The following CACNA1E variants were observed in gnomAD, a reference collection of about 807,000 sequenced individuals.
CACNA1E encodes voltage-dependent R-type calcium channel subunit alpha-1E.
Under a neutral mutation model 259.2 loss-of-function variants are expected in CACNA1E, and 40 were observed. The ratio of observed to expected loss-of-function variants is 0.15; its 90% confidence interval spans 0.12 to 0.20. The LOEUF (loss-of-function observed/expected upper bound fraction) is 0.20, where lower values mean the gene tolerates loss of function less well. Among genes scored for constraint, CACNA1E ranks in the 10% least tolerant of loss-of-function variants. The pLI, the probability that CACNA1E is intolerant of heterozygous loss-of-function variation, is 1.00. For synonymous variants in CACNA1E, 1,104 were observed against 1,138.5 expected (o/e 0.97, Z 0.61); for missense variants, 1,874 against 3,040.1 (o/e 0.62, Z 9.02).
intron 7 of CACNA1E, among the ~76,000 whole-genome samples, chr1:181,706,154 T>C (rs1023878521): frequency 6.6e-6 from 1 of 152,144 alleles, no homozygotes; most frequent in Non-Finnish European, 1.5e-5. Context: ...GATTCCCCCT[T>C]TTACATTTTC....
chr1:181,505,155 C>G (rs2102588193), intron 1 of CACNA1E, among the ~76,000 whole-genome samples: 1 of 152,280 alleles, frequency 6.6e-6, no homozygotes, highest in East Asian at 1.9e-4. Flanking sequence ...CCTCCTCACT[C>G]TCAGGTTGGG....
At chr1:181,463,055 T>C (rs1161819157) in intron 2 of CACNA1E, among the ~76,000 whole-genome samples, 4 of 152,184 alleles carry the variant, frequency 2.6e-5, no homozygotes, top group Admixed American at 2.6e-4. Flanking sequence ...TTCCAACTTT[T>C]ATTAGGTACA....
intron 46 of CACNA1E, among the ~76,000 whole-genome samples, chr1:181,796,009 A>T (rs979399175): frequency 1.3e-5 from 2 of 151,982 alleles, no homozygotes; most frequent in African/African-American, 4.8e-5. Flanking sequence ...CCTTCCCCCC[A>T]AAAAGTTATG....
chr1:181,714,432 A>G (rs1307872143), intron 8 of CACNA1E, among the ~76,000 whole-genome samples: 2 of 152,088 alleles, frequency 1.3e-5, no homozygotes, highest in Non-Finnish European at 2.9e-5. Context: ...GAACCCCAAC[A>G]TGCTGAACCC....
intron 7 of CACNA1E, among the ~76,000 whole-genome samples, chr1:181,688,304 T>C (rs1052555010): frequency 6.6e-6 from 1 of 152,292 alleles, no homozygotes. Flanking sequence ...ACAGTGTATG[T>C]TTTTATAGAG....
At chr1:181,510,343 C>A in intron 1 of CACNA1E, 134 bp from the exon 2 acceptor site, 1 of 665,016 alleles carries the variant, frequency 1.5e-6, no homozygotes. Flanking sequence ...TGCCTGCCTG[C>A]CTGTTTACAA....
At position 181,736,262 on chromosome 1, in the gene CACNA1E, G is replaced by A. The variant is rs368969096; in HGVS notation, c.3263-13G>A. The A allele has an allele frequency of 8.1e-5, 127 of 1,573,234 alleles. 1 individual carries two copies. The African/African-American group carries it at 1.5e-3, about 19-fold the overall frequency. On this transcript the variant is annotated splice_polypyrimidine_tract_variant and intron_variant, in intron 21 of 47. Transcript: ENST00000367573. Reference sequence around the variant, plus strand: ...TCATGATTTCTGAAGATTTCAACGTGTTCCTCTTGCAGTTAGCAACAAGAC... The same window carrying A: ...TCATGATTTCTGAAGATTTCAACGTATTCCTCTTGCAGTTAGCAACAAGAC...
intron 3 of CACNA1E, among the ~76,000 whole-genome samples, chr1:181,515,039 C>G (rs1666464193): frequency 6.6e-6 from 1 of 152,182 alleles, no homozygotes; most frequent in South Asian, 2.1e-4. Flanking sequence ...GAGACCACAT[C>G]TCCTGGCTCC....
chr1:181,432,270 C>G (rs1214159518), intron 2 of CACNA1E, among the ~76,000 whole-genome samples: 1 of 152,074 alleles, frequency 6.6e-6, no homozygotes, highest in Non-Finnish European at 1.5e-5. Context: ...CTGGAAATGG[C>G]TGAGTTTCCC....
At chr1:181,597,027 C>T (rs762703328) in intron 6 of CACNA1E, among the ~76,000 whole-genome samples, 5 of 152,126 alleles carry the variant, frequency 3.3e-5, no homozygotes, top group Admixed American at 1.3e-4. Flanking sequence ...AATTCTAGCT[C>T]TGCCCTGCCT....
At chr1:181,635,771 T>G (rs1037900353) in intron 6 of CACNA1E, among the ~76,000 whole-genome samples, 5 of 152,218 alleles carry the variant, frequency 3.3e-5, no homozygotes, top group Non-Finnish European at 5.9e-5. Context: ...GGCTGGAATA[T>G]TCCTCTGCAT....
chr1:181,471,298 C>G (rs1662491019), intron 2 of CACNA1E, among the ~76,000 whole-genome samples: 1 of 152,200 alleles, frequency 6.6e-6, no homozygotes, highest in African/African-American at 2.4e-5. Flanking sequence ...TAGCAAAGGG[C>G]AGTAGTAAGA....
intron 2 of CACNA1E, among the ~76,000 whole-genome samples, chr1:181,467,023 A>G (rs1020772301): frequency 2.0e-5 from 3 of 152,246 alleles, no homozygotes; most frequent in Non-Finnish European, 2.9e-5. Context: ...ACAGCAGTGC[A>G]TTAATGGGCA....
rs115462707 is a variant in CACNA1E, at chr1:181,624,607, A to G, written c.952-26731A>G. Reference sequence around the variant, plus strand: ...CATGAGATTGCAGCAATTCAGTCACATCTTCAGGCTTTATTTCTATTTTTA... The same window carrying G: ...CATGAGATTGCAGCAATTCAGTCACGTCTTCAGGCTTTATTTCTATTTTTA... On this transcript the variant is annotated intron_variant, in intron 6 of 47. Coordinates refer to ENST00000367573, the MANE Select transcript of CACNA1E (RefSeq NM_001205293.3). Among the ~76,000 whole-genome samples the G allele has an allele frequency of 5.8e-3, 879 of 152,306 alleles. 14 individuals are homozygous for G. Among genetic ancestry groups the G allele is most frequent in the African/African-American group, 0.02 (849 of 41,558 alleles).
intron 1 of CACNA1E, among the ~76,000 whole-genome samples, chr1:181,354,694 G>A (rs1387555529): frequency 6.6e-6 from 1 of 152,186 alleles, no homozygotes; most frequent in East Asian, 1.9e-4. Context: ...TTTTCATGGA[G>A]GGAGACAGGG....
chr1:181,574,426 T>C (rs1343749674), intron 3 of CACNA1E, among the ~76,000 whole-genome samples: 1 of 152,184 alleles, frequency 6.6e-6, no homozygotes, highest in African/African-American at 2.4e-5. Flanking sequence ...CTCAGTAAGT[T>C]CTAGGATTTC....
chr1:181,608,456 G>A (rs1654434073), intron 6 of CACNA1E, among the ~76,000 whole-genome samples: 2 of 152,184 alleles, frequency 1.3e-5, no homozygotes. Context: ...GACAAGGGGG[G>A]CTACAGCAGT....
At position 181,518,653 on chromosome 1, in the gene CACNA1E, C is replaced by T. The variant is rs74794683; in HGVS notation, c.512+7143C>T. 2.7e-3 allele frequency among the ~76,000 whole-genome samples: 416 copies of T among 152,184 alleles called. 3 individuals are homozygous for T. The highest frequency in any genetic ancestry group is 4.2e-3 in the East Asian group (22 of 5,184). ...GATGGGCAGCTGAGTTGGGATTGTGCCTTGGGTGGGAGGGAATTTTTTCTC... is the reference window on the plus strand; with the variant it reads ...GATGGGCAGCTGAGTTGGGATTGTGTCTTGGGTGGGAGGGAATTTTTTCTC... On this transcript the variant is annotated intron_variant, in intron 3 of 47. Transcript: ENST00000367573.
chr1:181,465,928 G>C (rs1026937436), intron 2 of CACNA1E, among the ~76,000 whole-genome samples: 1 of 152,134 alleles, frequency 6.6e-6, no homozygotes, highest in Non-Finnish European at 1.5e-5. Flanking sequence ...GAGTAGTTTT[G>C]TTTGGTTTTC....
Sources: gnomAD v4.1 joint callset for allele counts (sites outside exome capture counted in the v4.1 genomes callset) on GRCh38, gnomAD v4.1.1 for gene constraint, MANE v1.5 for transcripts, NCBI Gene and HGNC (gene_info 2026-07-23, HGNC 2026-07-21) for gene names.